ERICH6B: variants seen among roughly 807,000 people sequenced by gnomAD.
ERICH6B encodes glutamate rich 6B.
In ERICH6B, 69 loss-of-function variants were observed where a neutral mutation model predicts 80.0. The ratio of observed to expected loss-of-function variants is 0.86; its 90% confidence interval spans 0.71 to 1.05. The LOEUF is 1.05. ERICH6B is among the 50% of genes least tolerant of loss of function. The probability of loss-of-function intolerance (pLI) is 0.00; values close to 1 mark genes in which losing one functional copy is unlikely to be tolerated. For missense variants in ERICH6B, 754 were observed against 796.1 expected, an observed-to-expected ratio of 0.95 and a Z score of 0.64; for synonymous variants, 283 against 291.9, an observed-to-expected ratio of 0.97 and a Z score of 0.31.
chr13:45,563,567 G>C (rs895206246), intron 10 of ERICH6B, 160 bp downstream of exon 10: 7 of 698,994 alleles, frequency 1.0e-5, no homozygotes, highest in Admixed American at 7.0e-5. Flanking sequence ...GCCATGCTCG[G>C]TATTTCATCC....
intron 8 of ERICH6B, among the ~76,000 whole-genome samples, chr13:45,569,699 C>T (rs910946682): frequency 2.0e-5 from 3 of 152,144 alleles, no homozygotes; most frequent in Admixed American, 6.5e-5. Context: ...CCAACATATC[C>T]GAAGTTTCAC....
intron 10 of ERICH6B, 78 bp from the exon 11 acceptor site, chr13:45,561,604 A>G: frequency 6.7e-7 from 1 of 1,486,258 alleles, no homozygotes; most frequent in Non-Finnish European, 9.0e-7. Flanking sequence ...GTCTCTCTCA[A>G]GGTGCCAAAG....
chr13:45,548,712 C>T (rs1164852366), intron 13 of ERICH6B, among the ~76,000 whole-genome samples: 1 of 152,188 alleles, frequency 6.6e-6, no homozygotes, highest in Non-Finnish European at 1.5e-5. Context: ...TCACCAGATC[C>T]TCTCTGAGGT....
Position 45,550,062 on chromosome 13 carries a change from G to T in ERICH6B, c.1494-17C>A. 12 of 1,551,034 alleles carry T rather than the reference G, an allele frequency of 7.7e-6. No homozygotes were observed. The highest frequency in any genetic ancestry group is 1.0e-5 in the Non-Finnish European group (12 of 1,146,978). On this transcript the variant is annotated splice_polypyrimidine_tract_variant and intron_variant, in intron 12 of 14. Transcript: ENST00000298738. The stretch of plus-strand genomic sequence containing the variant: ...GATGGATAACTGGGAGAAGGTTAAG[G>T]CACAAGTAGTCAGTCCTTGGGGTCC...
intron 1 of ERICH6B, among the ~76,000 whole-genome samples, chr13:45,610,897 A>T (rs1281130108): frequency 6.6e-6 from 1 of 151,494 alleles, no homozygotes; most frequent in African/African-American, 2.4e-5. Context: ...TATATGCAAA[A>T]GATATTTTAC....
intron 5 of ERICH6B, among the ~76,000 whole-genome samples, chr13:45,581,348 C>G (rs961127764): frequency 1.3e-5 from 2 of 152,166 alleles, no homozygotes; most frequent in Non-Finnish European, 2.9e-5. Context: ...TACACACACT[C>G]AAAGACAGAC....
At position 45,561,388 on chromosome 13, in the gene ERICH6B, C is replaced by G; in HGVS notation, c.1388G>C (p.Trp463Ser). 6.4e-7 allele frequency: 1 copy of G among 1,552,310 alleles called. No individual in the cohort carries two copies. Among genetic ancestry groups the G allele is most frequent in the East Asian group, 2.4e-5 (1 of 40,928 alleles). The stretch of plus-strand genomic sequence containing the variant: ...TCTTACCACTGTCTTCTTCTGTATC[C>G]ATTCCTTATCTCGTTCTAATTTCTT... ...HRKKLERDKEWIQKKTVVHQG... is the reference protein window; with the variant it reads ...HRKKLERDKESIQKKTVVHQG... Residue 463 changes from tryptophan to serine, a missense_variant, in exon 11 of 15, where the codon TGG (tryptophan) becomes TCG (serine). Coordinates refer to ENST00000298738, the MANE Select transcript of ERICH6B (RefSeq NM_182542.3).
At chr13:45,542,765 C>G (rs1338381563) in intron 14 of ERICH6B, among the ~76,000 whole-genome samples, 2 of 152,220 alleles carry the variant, frequency 1.3e-5, no homozygotes, top group Admixed American at 1.3e-4. Flanking sequence ...GGCAAGGATG[C>G]TGGGATGTCA....
chr13:45,580,774 G>A (rs545145359), intron 5 of ERICH6B, 109 bp from the exon 6 acceptor site: 7 of 1,101,288 alleles, frequency 6.4e-6, no homozygotes, highest in Non-Finnish European at 9.2e-6. Context: ...ACCCAAGGCT[G>A]GTCAACAGTT....
chr13:45,549,499 C>T, intron 13 of ERICH6B, among the ~76,000 whole-genome samples: 1 of 152,194 alleles, frequency 6.6e-6, no homozygotes, highest in Non-Finnish European at 1.5e-5. Context: ...TTAGAAGTCA[C>T]GTTTTGGACC....
At chr13:45,613,124 A>G (rs1037816915) in intron 1 of ERICH6B, among the ~76,000 whole-genome samples, 1 of 152,148 alleles carries the variant, frequency 6.6e-6, no homozygotes, top group Non-Finnish European at 1.5e-5. Context: ...GGACATATGT[A>G]CCTATGTCCT....
chr13:45,594,011 A>G (rs1023447590), intron 3 of ERICH6B, among the ~76,000 whole-genome samples: 1 of 152,204 alleles, frequency 6.6e-6, no homozygotes, highest in African/African-American at 2.4e-5. Context: ...ACTTGATTCA[A>G]TTTACATGTA....
chr13:45,587,212 G>C lies in ERICH6B; in HGVS notation c.707C>G (p.Ser236Cys), dbSNP rs1305360087. The stretch of plus-strand genomic sequence containing the variant: ...GACAGTCAAGAAGGTGGTCACCTGA[G>C]AGGGGCCAGCGTCTGGACTCCTGTC... ...RDARSPDAGP[S>C]QVTTFLTVPL... is the part of the protein sequence containing the mutation. Residue 236 changes from serine to cysteine, a missense_variant, in exon 5 of 15, where the codon TCT (serine) becomes TGT (cysteine). By Grantham distance (112) the Ser-to-Cys change is moderately radical (BLOSUM62 -1). Coordinates refer to ENST00000298738, the MANE Select transcript of ERICH6B (RefSeq NM_182542.3). The C allele has an allele frequency of 6.4e-7, 1 of 1,551,692 alleles. No individual in the cohort carries two copies. Among genetic ancestry groups the C allele is most frequent in the Non-Finnish European group, 8.7e-7 (1 of 1,146,994 alleles).
At chr13:45,573,650 G>A (rs1875265500) in intron 8 of ERICH6B, among the ~76,000 whole-genome samples, 1 of 152,162 alleles carries the variant, frequency 6.6e-6, no homozygotes, top group South Asian at 2.1e-4. Context: ...CTTGTGATGA[G>A]AGCTCCCCTG....
At chr13:45,577,965 G>A (rs531750870) in intron 7 of ERICH6B, among the ~76,000 whole-genome samples, 1 of 152,280 alleles carries the variant, frequency 6.6e-6, no homozygotes, top group Admixed American at 6.5e-5. Flanking sequence ...TTGCCCTGAG[G>A]GGCAAATATT....
Position 45,554,257 on chromosome 13 carries a change from C to A in ERICH6B, c.1408-3941G>T, listed in dbSNP as rs1447899741. ...CCTGGCTTCTTTCACTTAGCATAAT[C>A]CTCTCCAGGTTCATCCATGTTCTCA... On this transcript the variant is annotated intron_variant, in intron 11 of 14. Coordinates refer to ENST00000298738, the MANE Select transcript of ERICH6B (RefSeq NM_182542.3). Among the ~76,000 whole-genome samples, 3 of 152,280 alleles carry A rather than the reference C, an allele frequency of 2.0e-5. No individual in the cohort carries two copies. In the East Asian group the frequency reaches 5.8e-4, roughly 29 times the overall value.
At chr13:45,597,126 T>G in intron 2 of ERICH6B, 63 bp from the exon 3 acceptor site, 1 of 1,167,278 alleles carries the variant, frequency 8.6e-7, no homozygotes, top group Non-Finnish European at 1.2e-6. Context: ...TTGATTTAAT[T>G]CCATTTTTGT....
Position 45,607,582 on chromosome 13 carries a change from G to A in ERICH6B, c.-77C>T, listed in dbSNP as rs1257038148. The A allele has an allele frequency of 1.3e-5, 2 of 152,424 alleles. No individual in the cohort carries two copies. The highest frequency in any genetic ancestry group is 2.9e-5 in the Non-Finnish European group (2 of 68,038). 9.4% of individuals were successfully genotyped at this position (152,424 alleles called of 1,614,324 possible). A position where few individuals can be genotyped will look rare whatever the true frequency, so the allele number is the denominator to read the frequency against. ...TACTTACAATGTCAGGGGGTAAACT[G>A]AGTCCAAGCCAAGAGAGTTTTCAAC... On this transcript the variant is annotated 5_prime_UTR_variant, in exon 2 of 15. Coordinates refer to ENST00000298738, the MANE Select transcript of ERICH6B (RefSeq NM_182542.3).
At chr13:45,577,275 T>TA (rs1875447334) in intron 7 of ERICH6B, among the ~76,000 whole-genome samples, 1 of 118,214 alleles carries the variant, frequency 8.5e-6, no homozygotes, top group Non-Finnish European at 1.7e-5. Flanking sequence ...TAAAAACAAA[T>TA]CTTTTTTTTT....
Sources: allele counts gnomAD v4.1 joint callset (sites outside exome capture counted in the v4.1 genomes callset), GRCh38; gene constraint gnomAD v4.1.1; transcripts MANE v1.5; gene names NCBI Gene and HGNC (gene_info 2026-07-23, HGNC 2026-07-21).